Variants in FRMPD4 observed in about 807,000 individuals in gnomAD.
The protein encoded by FRMPD4 is FERM and PDZ domain containing 4.
In FRMPD4, 22 loss-of-function variants were observed where a neutral mutation model predicts 94.1. That is an observed-to-expected ratio of 0.23 (90% CI 0.17 to 0.33). FRMPD4 has a LOEUF of 0.33. Ranked by LOEUF, FRMPD4 falls within the 10% of genes least tolerant of loss-of-function variation. The pLI, the probability that FRMPD4 is intolerant of heterozygous loss-of-function variation, is 1.00. For synonymous variants in FRMPD4, 631 were observed against 548.6 expected (o/e 1.15, Z -2.10); for missense variants, 1,111 against 1,339.9 (o/e 0.83, Z 2.67).
intron 3 of FRMPD4, among the ~76,000 whole-genome samples, chrX:12,090,526 C>G (rs1268535366): frequency 9.1e-6 from 1 of 109,999 alleles, no homozygotes; most frequent in African/African-American, 3.3e-5. Context: ...ACAGCCTGAG[C>G]AAATGCTGAG....
At chrX:12,510,023 T>C (rs2058027102) in intron 2 of FRMPD4, among the ~76,000 whole-genome samples, 1 of 112,191 alleles carries the variant, frequency 8.9e-6, no homozygotes, top group African/African-American at 3.2e-5. Context: ...ACTAGGACAC[T>C]GTGGGCCTCA....
chrX:12,436,597 A>C (rs2057069755), intron 1 of FRMPD4, among the ~76,000 whole-genome samples: 2 of 110,825 alleles, frequency 1.8e-5, no homozygotes, highest in Non-Finnish European at 3.8e-5. Context: ...CATCCCACTA[A>C]CTTTGATATG....
intron 1 of FRMPD4, among the ~76,000 whole-genome samples, chrX:12,409,622 G>A (rs145570040): frequency 4.3e-3 from 485 of 112,284 alleles, no homozygotes; most frequent in Non-Finnish European, 6.9e-3. Flanking sequence ...AAAAATAGAT[G>A]AGCAGAAGAA....
chrX:11,941,748 G>A (rs1326259070), intron 3 of FRMPD4, among the ~76,000 whole-genome samples: 1 of 112,089 alleles, frequency 8.9e-6, no homozygotes, highest in African/African-American at 3.2e-5. Context: ...CTAAAGGCAT[G>A]GAAGTTATTT....
intron 1 of FRMPD4, among the ~76,000 whole-genome samples, chrX:12,206,141 C>T (rs1192052583): frequency 8.9e-6 from 1 of 112,112 alleles, no homozygotes; most frequent in African/African-American, 3.2e-5. Flanking sequence ...AGAATCTAAC[C>T]TTGCAAATAG....
chrX:12,469,815 A>G (rs1469930703), intron 1 of FRMPD4, among the ~76,000 whole-genome samples: 2 of 112,426 alleles, frequency 1.8e-5, no homozygotes, highest in Non-Finnish European at 3.8e-5. Flanking sequence ...TGGATACCCT[A>G]TGTAAAGAAA....
intron 4 of FRMPD4, among the ~76,000 whole-genome samples, chrX:12,662,449 GTGTT>G (rs2059725629): frequency 1.8e-5 from 2 of 111,327 alleles, no homozygotes; most frequent in African/African-American, 6.5e-5. Context: ...AGAACATGAG[GTGTT>G]TGGTTTTCTG....
chrX:12,076,611 T>A (rs189122155), intron 3 of FRMPD4, among the ~76,000 whole-genome samples: 140 of 110,829 alleles, frequency 1.3e-3, no homozygotes, highest in African/African-American at 4.4e-3. Flanking sequence ...ATCTGGAAAG[T>A]TCTGATTTCC....
At chrX:12,671,913 C>G (rs2059848171) in intron 4 of FRMPD4, among the ~76,000 whole-genome samples, 2 of 111,359 alleles carry the variant, frequency 1.8e-5, no homozygotes, top group Admixed American at 9.6e-5. Context: ...ACATATTGAA[C>G]AGGTTCAGAA....
intron 1 of FRMPD4, among the ~76,000 whole-genome samples, chrX:11,858,487 A>G (rs1217385685): frequency 2.7e-5 from 3 of 111,222 alleles, no homozygotes; most frequent in African/African-American, 9.8e-5. Context: ...TCACTTATAA[A>G]TGGGAGCTAA....
At chrX:12,263,369 G>A (rs1475451208) in intron 1 of FRMPD4, among the ~76,000 whole-genome samples, 3 of 111,437 alleles carry the variant, frequency 2.7e-5, no homozygotes, top group Non-Finnish European at 5.7e-5. Context: ...AAATGTGGCT[G>A]GACTGGAGTG....
At chrX:12,463,692 GT>G (rs1235218164) in intron 1 of FRMPD4, among the ~76,000 whole-genome samples, 2 of 81,752 alleles carry the variant, frequency 2.4e-5, no homozygotes, top group Non-Finnish European at 4.4e-5. Flanking sequence ...TTTTTTTTTT[GT>G]TTTTGTTTTT....
chrX:12,060,527 T>G (rs1393974511), intron 3 of FRMPD4, among the ~76,000 whole-genome samples: 1 of 110,617 alleles, frequency 9.0e-6, no homozygotes, highest in Non-Finnish European at 1.9e-5. Context: ...CCTAGCTATT[T>G]ATATAATGTA....
chrX:12,459,248 G>A (rs1276079702), intron 1 of FRMPD4, among the ~76,000 whole-genome samples: 1 of 110,702 alleles, frequency 9.0e-6, no homozygotes, highest in Non-Finnish European at 1.9e-5. Context: ...TATTTTGTTA[G>A]GCTCCTACTG....
intron 3 of FRMPD4, among the ~76,000 whole-genome samples, chrX:12,088,774 C>G (rs957603839): frequency 8.9e-6 from 1 of 112,265 alleles, no homozygotes; most frequent in Middle Eastern, 4.2e-3. Flanking sequence ...CTAATTTGCT[C>G]CTTTTTCCTG....
intron 1 of FRMPD4, among the ~76,000 whole-genome samples, chrX:12,447,842 ATTC>A (rs2057217665): frequency 8.9e-6 from 1 of 112,401 alleles, no homozygotes; most frequent in Admixed American, 9.4e-5. Context: ...AGGTCCCTTA[ATTC>A]TCACTGTGTT....
chrX:12,343,053 G>A (rs2055641674), intron 1 of FRMPD4, among the ~76,000 whole-genome samples: 1 of 112,059 alleles, frequency 8.9e-6, no homozygotes, highest in African/African-American at 3.2e-5. Flanking sequence ...CCATGAGTGA[G>A]GACCCATAAA....
At chrX:11,924,764 A>G (rs2054076702) in intron 3 of FRMPD4, among the ~76,000 whole-genome samples, 1 of 112,147 alleles carries the variant, frequency 8.9e-6, no homozygotes, top group South Asian at 3.7e-4. Flanking sequence ...GGAAGCACTA[A>G]ATATGAAAAA....
rs1230483859 is a variant in FRMPD4 at position 12,718,161 on chromosome X, G to C, written c.3335G>C (p.Gly1112Ala). ...AAAAGTGGATTAGAAGCAGCAACAG[G>C]GAAAACCTTTCCAAGAGCTTCTGGT... ...AEKSGLEAAT[G>A]KTFPRASGLG... Residue 1112 changes from glycine to alanine, a missense_variant, in exon 16 of 17, where the codon GGG (glycine) becomes GCG (alanine). Physicochemically the swap from Gly to Ala is moderately conservative, Grantham distance 60. Transcript: ENST00000675598. 3.3e-6 allele frequency: 4 copies of C among 1,211,730 alleles called. No individual in the cohort carries two copies. The Admixed American group carries it at 8.7e-5, about 26-fold the overall frequency.
Sources: gnomAD v4.1 joint callset for allele counts (sites outside exome capture counted in the v4.1 genomes callset) on GRCh38, gnomAD v4.1.1 for gene constraint, MANE v1.5 for transcripts, NCBI Gene and HGNC (gene_info 2026-07-23, HGNC 2026-07-21) for gene names.